PDSS2: variants seen among roughly 807,000 people sequenced by gnomAD.
The protein encoded by PDSS2 is all trans-polyprenyl-diphosphate synthase PDSS2.
In PDSS2, 31 loss-of-function variants were observed where a neutral mutation model predicts 44.5. The observed-to-expected ratio is 0.70, with a 90% confidence interval of 0.52 to 0.94. The LOEUF is 0.94. PDSS2 is among the 40% of genes least tolerant of loss of function. PDSS2 has a pLI of 0.00. For synonymous variants in PDSS2, 157 were observed against 180.3 expected (o/e 0.87, Z 1.03); for missense variants, 452 against 482.2 (o/e 0.94, Z 0.59).
intron 1 of PDSS2, among the ~76,000 whole-genome samples, chr6:107,344,422 C>T (rs889038296): frequency 1.3e-5 from 2 of 152,154 alleles, no homozygotes; most frequent in Non-Finnish European, 2.9e-5. Flanking sequence ...TAAGACTAAA[C>T]TGTCCCAGAC....
chr6:107,294,448 T>C (rs1436842187), intron 2 of PDSS2, among the ~76,000 whole-genome samples: 1 of 152,112 alleles, frequency 6.6e-6, no homozygotes, highest in Non-Finnish European at 1.5e-5. Context: ...GGTCTTTCTA[T>C]ATTGTCCAGG....
rs1336338762 is a variant in PDSS2, at chr6:107,159,422, T to TC, written c.1042-4646_1042-4645insG. ...GCTACCCTATTTTCTTTCTTTTCTT[T>TC]TTTTTTTTTTTTGAGATGGAGTCTT... On this transcript the variant is annotated intron_variant, in intron 7 of 7. Coordinates refer to ENST00000369037, the MANE Select transcript of PDSS2 (RefSeq NM_020381.4). Among the ~76,000 whole-genome samples, 596 of 146,530 alleles carry TC rather than the reference T, an allele frequency of 4.1e-3. 4 individuals are homozygous for TC. The highest frequency in any genetic ancestry group is 0.013 in the African/African-American group (536 of 40,272).
At chr6:107,297,513 G>A (rs993710451) in intron 2 of PDSS2, among the ~76,000 whole-genome samples, 11 of 151,512 alleles carry the variant, frequency 7.3e-5, no homozygotes, top group Non-Finnish European at 1.3e-4. Context: ...CTCCCGAGTA[G>A]CTGGGGTTAC....
At chr6:107,457,041 A>T (rs1782067419) in intron 1 of PDSS2, among the ~76,000 whole-genome samples, 1 of 152,200 alleles carries the variant, frequency 6.6e-6, no homozygotes, top group African/African-American at 2.4e-5. Flanking sequence ...GAATCTCTGG[A>T]AAACTAACAT....
At chr6:107,213,639 C>A (rs1773306465) in intron 4 of PDSS2, among the ~76,000 whole-genome samples, 1 of 152,052 alleles carries the variant, frequency 6.6e-6, no homozygotes, top group Non-Finnish European at 1.5e-5. Context: ...TGCCTGTAAT[C>A]CCAGCTACTT....
intron 6 of PDSS2, among the ~76,000 whole-genome samples, chr6:107,210,083 G>C (rs1312954223): frequency 6.6e-6 from 1 of 152,048 alleles, no homozygotes; most frequent in East Asian, 1.9e-4. Flanking sequence ...CAGCTTGTGC[G>C]AGAGTCCACA....
At chr6:107,326,064 G>A (rs963147844) in intron 2 of PDSS2, among the ~76,000 whole-genome samples, 4 of 151,738 alleles carry the variant, frequency 2.6e-5, no homozygotes, top group South Asian at 2.1e-4. Context: ...GAGGTAATAC[G>A]GATAAAATAC....
At chr6:107,368,727 G>A (rs899262855) in intron 1 of PDSS2, among the ~76,000 whole-genome samples, 2 of 151,936 alleles carry the variant, frequency 1.3e-5, no homozygotes, top group Non-Finnish European at 2.9e-5. Flanking sequence ...ACACACCTGT[G>A]GTCCCAGGAG....
At chr6:107,290,819 CT>C (rs1013084100) in intron 2 of PDSS2, among the ~76,000 whole-genome samples, 13 of 152,274 alleles carry the variant, frequency 8.5e-5, no homozygotes, top group Admixed American at 2.6e-4. Context: ...CTACTTCCTG[CT>C]TTTTTTCCCC....
At chr6:107,216,650 A>G (rs980628319) in intron 4 of PDSS2, among the ~76,000 whole-genome samples, 2 of 152,238 alleles carry the variant, frequency 1.3e-5, no homozygotes, top group East Asian at 3.8e-4. Flanking sequence ...ATCCAACCTC[A>G]TAAGTTACTC....
chr6:107,354,096 A>G (rs777397988), intron 1 of PDSS2, among the ~76,000 whole-genome samples: 7 of 152,154 alleles, frequency 4.6e-5, no homozygotes, highest in Non-Finnish European at 1.0e-4. Flanking sequence ...ACTAATTTAG[A>G]CTGATGTAAT....
intron 3 of PDSS2, among the ~76,000 whole-genome samples, chr6:107,263,615 T>C (rs954794612): frequency 6.6e-6 from 1 of 152,210 alleles, no homozygotes; most frequent in African/African-American, 2.4e-5. Flanking sequence ...CATTCCATTG[T>C]CTTGTGGCTT....
chr6:107,203,614 C>G (rs906525640), intron 6 of PDSS2, among the ~76,000 whole-genome samples: 14 of 152,068 alleles, frequency 9.2e-5, no homozygotes, highest in Non-Finnish European at 1.9e-4. Flanking sequence ...GTTGGTTTGC[C>G]ATAGGCAAAC....
At chr6:107,264,262 C>T (rs932215394) in intron 3 of PDSS2, 19 of 1,343,320 alleles carry the variant, frequency 1.4e-5, no homozygotes, top group Non-Finnish European at 1.5e-5. Flanking sequence ...CATATTTGTA[C>T]AAACAAAATA....
chr6:107,174,624 C>T (rs190719388), intron 7 of PDSS2, among the ~76,000 whole-genome samples: 1 of 152,150 alleles, frequency 6.6e-6, no homozygotes, highest in Non-Finnish European at 1.5e-5. Flanking sequence ...ATACAATAAA[C>T]TGTGAAATGC....
chr6:107,232,902 C>T (rs143344283), intron 4 of PDSS2, among the ~76,000 whole-genome samples: 17 of 151,666 alleles, frequency 1.1e-4, no homozygotes, highest in African/African-American at 2.4e-4. Context: ...TGCAGTGGCG[C>T]GATCTCTATT....
At chr6:107,319,750 G>A (rs1021958408) in intron 2 of PDSS2, among the ~76,000 whole-genome samples, 2 of 152,146 alleles carry the variant, frequency 1.3e-5, no homozygotes, top group African/African-American at 4.8e-5. Flanking sequence ...CGTTGCAGAC[G>A]TGTCAGTAAC....
At chr6:107,366,934 A>C (rs1245482343) in intron 1 of PDSS2, among the ~76,000 whole-genome samples, 1 of 152,156 alleles carries the variant, frequency 6.6e-6, no homozygotes, top group African/African-American at 2.4e-5. Context: ...AGAAATACTG[A>C]TTCTTCACAA....
chr6:107,374,424 AT>A (rs1259932178), intron 1 of PDSS2, among the ~76,000 whole-genome samples: 2 of 152,228 alleles, frequency 1.3e-5, no homozygotes, highest in African/African-American at 4.8e-5. Context: ...GCATGTAGTT[AT>A]GTAGGTTTTA....
Sources: gnomAD v4.1 joint callset for allele counts (sites outside exome capture counted in the v4.1 genomes callset) on GRCh38, gnomAD v4.1.1 for gene constraint, MANE v1.5 for transcripts, NCBI Gene and HGNC (gene_info 2026-07-23, HGNC 2026-07-21) for gene names.